Variants in BCOR observed in about 807,000 individuals in gnomAD.
The protein encoded by BCOR is BCL6 corepressor, also known as BCL-6 corepressor.
BCOR carries 10 observed loss-of-function variants against 86.7 expected under a neutral mutation model. The observed-to-expected ratio is 0.12, with a 90% CI of 0.07 to 0.20. The LOEUF is 0.20. Among genes scored for constraint, BCOR ranks in the 10% least tolerant of loss-of-function variants. BCOR has a pLI of 1.00. For missense variants in BCOR, 1,259 were observed against 1,452.1 expected, an observed-to-expected ratio of 0.87 and a Z score of 2.16; for synonymous variants, 611 against 609.0, an observed-to-expected ratio of 1.00 and a Z score of -0.05.
At chrX:40,161,180 GTTTTTTTGTTTTTTGGGGTT>G (rs1441302535) in intron 1 of BCOR, among the ~76,000 whole-genome samples, 10 of 103,563 alleles carry the variant, frequency 9.7e-5, no homozygotes, top group East Asian at 9.2e-4. Context: ...GCTAATTTTT[GTTTTTTTGTTTTTTGGGGTT>G]TTTTTTTGTT....
At chrX:40,070,197 G>A (rs1412830884) in intron 6 of BCOR, among the ~76,000 whole-genome samples, 3 of 111,883 alleles carry the variant, frequency 2.7e-5, no homozygotes, top group African/African-American at 6.5e-5. Flanking sequence ...AGTTCACCCA[G>A]ACACCCTAAT....
chrX:40,074,409 G>A lies in BCOR; in HGVS notation c.937C>T (p.Pro313Ser). 1 of 1,209,822 alleles carries A rather than the reference G, an allele frequency of 8.3e-7. No homozygotes were observed. Among genetic ancestry groups the A allele is most frequent in the African/African-American group, 1.7e-5 (1 of 57,995 alleles). The change falls in exon 4 of 15, where the codon CCC becomes TCC. Residue 313 changes from proline (P) to serine (S), a missense_variant. By Grantham distance (74) the Pro-to-Ser change is moderately conservative. This residue lies in a region of BCOR where 534 missense variants were observed against 594.8 expected (regional missense o/e 0.90). Transcript: ENST00000378444. ...AYPHIQNSKQ[P>S]RVPSAKAVTS... ...ACCGCCTTGGCAGAGGGAACCCTGG[G>A]CTGCTTACTGTTCTGGATGTGAGGA...
Position 40,071,668 on chromosome X carries a change from C to T in BCOR, c.3020G>A (p.Ser1007Asn). 2 of 1,194,188 alleles carry T rather than the reference C, an allele frequency of 1.7e-6. No individual in the cohort carries two copies. Among genetic ancestry groups the T allele is most frequent in the Non-Finnish European group, 2.3e-6 (2 of 879,678 alleles). The change falls in exon 5 of 15, where the codon AGT becomes AAT. Residue 1007 changes from serine to asparagine, a missense_variant. Ser to Asn is a conservative substitution (Grantham distance 46, BLOSUM62 1). Coordinates refer to ENST00000378444, the MANE Select transcript of BCOR (RefSeq NM_001123385.2). The part of the protein sequence containing the change: ...ALQMEGLQED[S>N]ILCLPAAYCE... ...GTAAGCAGCGGGTAGACATAAAATA[C>T]TGTCCTCTTGTAATCCTTCCATCTA...
intron 1 of BCOR, among the ~76,000 whole-genome samples, chrX:40,131,063 A>G (rs1937596227): frequency 8.9e-6 from 1 of 111,828 alleles, no homozygotes. Flanking sequence ...ACCCACGCCA[A>G]CCAAAGCTGC....
At chrX:40,112,823 C>G (rs1026691748) in intron 1 of BCOR, among the ~76,000 whole-genome samples, 1 of 111,301 alleles carries the variant, frequency 9.0e-6, no homozygotes, top group African/African-American at 3.3e-5. Flanking sequence ...GGACAAATGT[C>G]TCTTAGATAG....
intron 1 of BCOR, among the ~76,000 whole-genome samples, chrX:40,094,273 G>A (rs756128077): frequency 5.6e-4 from 63 of 112,392 alleles, no homozygotes; most frequent in Middle Eastern, 4.6e-3. Context: ...TCAGCCGGGA[G>A]GGAGCCTGCA....
chrX:40,118,623 C>G (rs1253430227), intron 1 of BCOR, among the ~76,000 whole-genome samples: 4 of 111,739 alleles, frequency 3.6e-5, no homozygotes, highest in South Asian at 3.7e-4. Flanking sequence ...CCCTTCACCC[C>G]CTCTTAACCG....
chrX:40,056,860 G>A (rs1410994170), intron 11 of BCOR, among the ~76,000 whole-genome samples: 1 of 112,217 alleles, frequency 8.9e-6, no homozygotes, highest in African/African-American at 3.2e-5. Flanking sequence ...AGATGGTGAT[G>A]AAGAGTCCAG....
intron 1 of BCOR, among the ~76,000 whole-genome samples, chrX:40,126,560 C>T (rs1414166752): frequency 2.8e-5 from 3 of 108,345 alleles, no homozygotes; most frequent in African/African-American, 1.0e-4. Context: ...AAAAAAACCA[C>T]GAAAACAACA....
At chrX:40,109,762 G>T in intron 1 of BCOR, among the ~76,000 whole-genome samples, 1 of 113,092 alleles carries the variant, frequency 8.8e-6, no homozygotes, top group African/African-American at 3.2e-5. Context: ...CCGCCGACTC[G>T]GCGAATCCCG....
At chrX:40,143,786 C>T (rs1937978469) in intron 1 of BCOR, among the ~76,000 whole-genome samples, 1 of 112,487 alleles carries the variant, frequency 8.9e-6, no homozygotes, top group East Asian at 2.8e-4. Flanking sequence ...GAAACCCCGT[C>T]TCTACTAAAA....
intron 1 of BCOR, among the ~76,000 whole-genome samples, chrX:40,149,456 G>A (rs975754114): frequency 5.4e-5 from 6 of 111,318 alleles, no homozygotes; most frequent in Admixed American, 2.9e-4. Context: ...CAGCCAAGCT[G>A]AGCCCAGCGC....
rs148945019 is a variant in BCOR at position 40,142,603 on chromosome X, C to A, written c.-41+34404G>T. Among the ~76,000 whole-genome samples, 10 of 111,748 alleles carry A rather than the reference C, an allele frequency of 8.9e-5. No individual in the cohort carries two copies. The East Asian group carries it at 2.3e-3, about 25-fold the overall frequency. On this transcript the variant is annotated intron_variant, in intron 1 of 14. Transcript: ENST00000342274. ...CTCCAGCTCCTGTGCGTGAGGGGGC[C>A]GTGGCACATGAGCAATAACTCCGAT...
At chrX:40,161,793 A>G (rs867038272) in intron 1 of BCOR, among the ~76,000 whole-genome samples, 1 of 111,871 alleles carries the variant, frequency 8.9e-6, no homozygotes, top group African/African-American at 3.2e-5. Context: ...GATTACAGGC[A>G]TGAGCCACCG....
At chrX:40,156,842 G>A (rs764398361) in intron 1 of BCOR, among the ~76,000 whole-genome samples, 2 of 113,760 alleles carry the variant, frequency 1.8e-5, no homozygotes, top group African/African-American at 6.4e-5. Flanking sequence ...GGGGCCTGCT[G>A]CTCGAAGCCG....
At chrX:40,162,166 C>CTCTA (rs1393621468) in intron 1 of BCOR, among the ~76,000 whole-genome samples, 1 of 112,174 alleles carries the variant, frequency 8.9e-6, no homozygotes, top group Non-Finnish European at 1.9e-5. Flanking sequence ...CCCTTTTGAC[C>CTCTA]TCTATCTGTC....
intron 1 of BCOR, among the ~76,000 whole-genome samples, chrX:40,116,171 T>C (rs1475021122): frequency 8.9e-6 from 1 of 111,842 alleles, no homozygotes; most frequent in Non-Finnish European, 1.9e-5. Flanking sequence ...CTAAACATTT[T>C]ATACACATTA....
chrX:40,057,419 T>C (rs1934651686), intron 10 of BCOR, 98 bp from the exon 11 acceptor site: 8 of 855,849 alleles, frequency 9.3e-6, no homozygotes, highest in Admixed American at 7.8e-5. Context: ...CCCTCAGGCC[T>C]GAGAACCTGA....
intron 1 of BCOR, among the ~76,000 whole-genome samples, chrX:40,152,466 G>A (rs1938187701): frequency 1.8e-5 from 2 of 112,486 alleles, no homozygotes; most frequent in African/African-American, 6.5e-5. Flanking sequence ...CCTCTGAGCT[G>A]GCAGCCAGCG....
Sources: gnomAD v4.1 joint callset for allele counts (sites outside exome capture counted in the v4.1 genomes callset) on GRCh38, gnomAD v4.1.1 for gene constraint, gnomAD v4.1.1 regional missense constraint, MANE v1.5 for transcripts, NCBI Gene and HGNC (gene_info 2026-07-23, HGNC 2026-07-21) for gene names.